PGS1: variants seen among roughly 807,000 people sequenced by gnomAD.
PGS1 encodes CDP-diacylglycerol--glycerol-3-phosphate 3-phosphatidyltransferase, mitochondrial.
In PGS1, 44 loss-of-function variants were observed where a neutral mutation model predicts 58.3. The ratio of observed to expected loss-of-function variants is 0.75; its 90% CI spans 0.59 to 0.97. The LOEUF is 0.97. PGS1 is among the 50% of genes least tolerant of loss of function. PGS1 has a pLI of 0.00. For synonymous variants in PGS1, 330 were observed against 311.0 expected (o/e 1.06, Z -0.64); for missense variants, 684 against 731.1 (o/e 0.94, Z 0.74).
intron 9 of PGS1, chr17:78,423,807 C>G: frequency 6.8e-7 from 1 of 1,465,710 alleles, no homozygotes; most frequent in Non-Finnish European, 9.3e-7. Context: ...GAACGAAAAA[C>G]CACCACCAGT....
At chr17:78,413,219 C>G (rs1196530501) in intron 7 of PGS1, among the ~76,000 whole-genome samples, 2 of 152,222 alleles carry the variant, frequency 1.3e-5, no homozygotes, top group Non-Finnish European at 2.9e-5. Context: ...GCCTCGTCAC[C>G]TCTTACCCAA....
At chr17:78,417,397 C>T (rs1012759478) in intron 8 of PGS1, among the ~76,000 whole-genome samples, 12 of 152,126 alleles carry the variant, frequency 7.9e-5, no homozygotes, top group African/African-American at 1.2e-4. Flanking sequence ...CTGTGACACG[C>T]GGGGCTGCGG....
At chr17:78,390,907 G>A (rs1229626824) in intron 1 of PGS1, among the ~76,000 whole-genome samples, 4 of 152,088 alleles carry the variant, frequency 2.6e-5, no homozygotes, top group Non-Finnish European at 5.9e-5. Flanking sequence ...AACAGGATGT[G>A]TCTGATGGTG....
intron 3 of PGS1, among the ~76,000 whole-genome samples, chr17:78,396,686 C>G (rs147889554): frequency 6.6e-6 from 1 of 152,222 alleles, no homozygotes; most frequent in Non-Finnish European, 1.5e-5. Context: ...AGGGCTTGGC[C>G]GACTGTGGCC....
chr17:78,422,040 C>G (rs2085842739), intron 9 of PGS1: 1 of 152,232 alleles, frequency 6.6e-6, no homozygotes, highest in Non-Finnish European at 1.5e-5. Context: ...ATAATTTTGT[C>G]AACTACCCAC....
chr17:78,415,062 G>C (rs569224258), intron 8 of PGS1, 35 bp downstream of exon 8: 2 of 1,556,648 alleles, frequency 1.3e-6, no homozygotes, highest in African/African-American at 1.5e-5. Context: ...CCAGGGCGCT[G>C]AGGGTGTGGC....
intron 1 of PGS1, among the ~76,000 whole-genome samples, chr17:78,380,647 C>T (rs79716529): frequency 1.8e-3 from 270 of 152,242 alleles, no homozygotes; most frequent in Non-Finnish European, 3.1e-3. Flanking sequence ...ATTTGGTTTA[C>T]AGTTTCAAAA....
intron 1 of PGS1, among the ~76,000 whole-genome samples, chr17:78,390,324 G>C (rs959848861): frequency 1.9e-4 from 19 of 98,324 alleles, no homozygotes; most frequent in African/African-American, 6.0e-4. Flanking sequence ...AGAGACGGGG[G>C]TGGGGGAGGA....
chr17:78,416,008 G>C (rs1182240194), intron 8 of PGS1, among the ~76,000 whole-genome samples: 1 of 152,334 alleles, frequency 6.6e-6, no homozygotes, highest in Admixed American at 6.5e-5. Flanking sequence ...TTGCAAAATT[G>C]TCAGAGCCTT....
intron 3 of PGS1, among the ~76,000 whole-genome samples, chr17:78,397,467 G>A (rs1454854434): frequency 8.3e-6 from 1 of 121,034 alleles, no homozygotes; most frequent in East Asian, 2.6e-4. Flanking sequence ...ACGGAGTTTT[G>A]CTCTTGTTGC....
intron 1 of PGS1, among the ~76,000 whole-genome samples, chr17:78,385,949 C>A (rs532162412): frequency 3.3e-5 from 5 of 152,168 alleles, no homozygotes; most frequent in Admixed American, 2.0e-4. Context: ...TTGGTCAGAG[C>A]GGTTCAGATG....
chr17:78,407,374 A>T (rs1567983780), intron 7 of PGS1, among the ~76,000 whole-genome samples: 1 of 152,184 alleles, frequency 6.6e-6, no homozygotes, highest in Non-Finnish European at 1.5e-5. Context: ...CTTCAGGCCC[A>T]TCTTTTGATG....
rs185254801 is a variant in PGS1 at position 78,404,352 on chromosome 17, G to A, written c.1402+263G>A. ...GCTGGACTGCAGTAGCATGATCTCAGTTCACCGCAACCTCCACTTCCCGGT... is the reference window on the plus strand; with the variant it reads ...GCTGGACTGCAGTAGCATGATCTCAATTCACCGCAACCTCCACTTCCCGGT... On this transcript the variant is annotated intron_variant, in intron 7 of 9. Transcript: ENST00000262764. 2.6e-3 allele frequency among the ~76,000 whole-genome samples: 377 copies of A among 146,762 alleles called. 1 individual carries two copies. Among genetic ancestry groups the A allele is most frequent in the African/African-American group, 8.6e-3 (339 of 39,404 alleles).
intron 8 of PGS1, among the ~76,000 whole-genome samples, chr17:78,418,739 C>T (rs2146339432): frequency 6.6e-6 from 1 of 152,246 alleles, no homozygotes; most frequent in African/African-American, 2.4e-5. Flanking sequence ...TGCCAGAGCT[C>T]ACTCTAGAGG....
At chr17:78,417,405 C>T (rs990889546) in intron 8 of PGS1, among the ~76,000 whole-genome samples, 2 of 152,110 alleles carry the variant, frequency 1.3e-5, no homozygotes, top group Non-Finnish European at 2.9e-5. Context: ...CGCGGGGCTG[C>T]GGGGCTGCTC....
rs893814513 is a variant in PGS1, at chr17:78,394,542, T to TTTTTC, written c.334-1746_334-1742dup. Reference sequence around the variant, plus strand: ...TTTCTCCTTGGCTTGAAGAAACAGGTTTTTCTTTTCTTTTCTTTTCTTTTT... The same window carrying TTTTTC: ...TTTCTCCTTGGCTTGAAGAAACAGGTTTTTCTTTTCTTTTCTTTTCTTTTCTTTTT... On this transcript the variant is annotated intron_variant, in intron 2 of 9. Coordinates refer to ENST00000262764, the MANE Select transcript of PGS1 (RefSeq NM_024419.5). Among the ~76,000 whole-genome samples, 18 of 152,060 alleles carry TTTTTC rather than the reference T, an allele frequency of 1.2e-4. No homozygotes were observed. The East Asian group carries it at 1.5e-3, about 13-fold the overall frequency.
intron 9 of PGS1, chr17:78,420,063 A>C (rs1262535384): frequency 9.4e-7 from 1 of 1,066,058 alleles, no homozygotes; most frequent in Non-Finnish European, 1.1e-6. Context: ...CAGGAGATGT[A>C]GACGTGGGAG....
chr17:78,397,693 C>T (rs1194484665), intron 3 of PGS1, among the ~76,000 whole-genome samples: 3 of 152,082 alleles, frequency 2.0e-5, no homozygotes, highest in Non-Finnish European at 2.9e-5. Flanking sequence ...CCTTGGCCTC[C>T]CAAAGTGCTG....
At chr17:78,394,896 T>C (rs2083112704) in intron 2 of PGS1, among the ~76,000 whole-genome samples, 1 of 152,204 alleles carries the variant, frequency 6.6e-6, no homozygotes, top group African/African-American at 2.4e-5. Context: ...TCTGTCCTAA[T>C]TGACTCTGGG....
Sources: gnomAD v4.1 joint callset for allele counts (sites outside exome capture counted in the v4.1 genomes callset) on GRCh38, gnomAD v4.1.1 for gene constraint, MANE v1.5 for transcripts, NCBI Gene and HGNC (gene_info 2026-07-23, HGNC 2026-07-21) for gene names.